Variants in TBX15 observed in about 807,000 individuals in gnomAD.
The protein encoded by TBX15 is T-box transcription factor 15.
Under a neutral mutation model 53.9 loss-of-function variants are expected in TBX15, and 18 were observed. The observed-to-expected ratio is 0.33, with a 90% CI of 0.23 to 0.49. The LOEUF (loss-of-function observed/expected upper bound fraction) is 0.49, where lower values mean the gene tolerates loss of function less well. Ranked by LOEUF, TBX15 falls within the 20% of genes least tolerant of loss-of-function variation. TBX15 has a pLI of 0.98. For missense variants in TBX15, 692 were observed against 749.5 expected (o/e 0.92, Z 0.90); for synonymous variants, 295 against 278.0 (o/e 1.06, Z -0.61).
intron 1 of TBX15, among the ~76,000 whole-genome samples, chr1:118,962,218 C>A (rs1623409): frequency 0.78 from 118,894 of 152,152 alleles, 46,694 homozygotes; most frequent in East Asian, 0.86. Flanking sequence ...GCACTGATAA[C>A]ATTTTGGCTA....
At chr1:118,890,791 C>T in intron 7 of TBX15, 2 of 874,344 alleles carry the variant, frequency 2.3e-6, no homozygotes, top group Non-Finnish European at 1.6e-6. Context: ...GCTTTTCTCC[C>T]TCCTCCCCCA....
chr1:118,933,366 G>A (rs539768282), intron 1 of TBX15, among the ~76,000 whole-genome samples: 1 of 151,992 alleles, frequency 6.6e-6, no homozygotes, highest in South Asian at 2.1e-4. Context: ...TCTAAATAAA[G>A]GGGAAGTTTC....
chr1:118,940,206 G>T lies in TBX15; in HGVS notation c.206-8374C>A, dbSNP rs1025075843. On this transcript the variant is annotated intron_variant, in intron 1 of 7. Coordinates refer to ENST00000369429, the MANE Select transcript of TBX15 (RefSeq NM_001330677.2). ...TTTGAGAAAGGAAAATTCAAACGAAGGTCTGATGGGAATTTTCCCCTGTTA... is the reference window on the plus strand; with the variant it reads ...TTTGAGAAAGGAAAATTCAAACGAATGTCTGATGGGAATTTTCCCCTGTTA... Among the ~76,000 whole-genome samples, 21 of 151,896 alleles carry T rather than the reference G, an allele frequency of 1.4e-4. 1 individual carries two copies. Among genetic ancestry groups the T allele is most frequent in the African/African-American group, 4.6e-4 (19 of 41,182 alleles).
intron 1 of TBX15, among the ~76,000 whole-genome samples, chr1:118,970,775 C>T (rs1035743039): frequency 6.6e-6 from 1 of 152,092 alleles, no homozygotes; most frequent in Non-Finnish European, 1.5e-5. Context: ...CAGTGATTAC[C>T]CTGTGTTTGA....
At chr1:118,937,075 G>A (rs1414981493) in intron 1 of TBX15, among the ~76,000 whole-genome samples, 2 of 152,064 alleles carry the variant, frequency 1.3e-5, no homozygotes, top group Non-Finnish European at 2.9e-5. Flanking sequence ...AATGATGAGA[G>A]GATTGAGAAG....
At chr1:118,892,106 T>C (rs1009484135) in intron 7 of TBX15, among the ~76,000 whole-genome samples, 6 of 152,148 alleles carry the variant, frequency 3.9e-5, no homozygotes, top group Non-Finnish European at 8.8e-5. Context: ...AAATTACCTA[T>C]GAGTAGGAAC....
chr1:118,934,212 T>G (rs1297072359), intron 1 of TBX15, among the ~76,000 whole-genome samples: 2 of 152,128 alleles, frequency 1.3e-5, no homozygotes, highest in Admixed American at 6.6e-5. Context: ...TGAAAAAGAA[T>G]GAACTTAAGG....
chr1:118,887,626 G>C (rs191392799), intron 7 of TBX15, among the ~76,000 whole-genome samples: 58 of 148,928 alleles, frequency 3.9e-4, no homozygotes, highest in Non-Finnish European at 6.6e-4. Flanking sequence ...AGTGAGCCAA[G>C]ATAGTGCCAT....
intron 1 of TBX15, among the ~76,000 whole-genome samples, chr1:118,975,961 C>T (rs182398404): frequency 7.8e-4 from 119 of 152,320 alleles, no homozygotes; most frequent in Non-Finnish European, 1.2e-3. Context: ...GGGCCCTGGG[C>T]TTCTTGAAGG....
chr1:118,930,529 C>T (rs1253373293), intron 2 of TBX15, among the ~76,000 whole-genome samples: 1 of 152,208 alleles, frequency 6.6e-6, no homozygotes, highest in Non-Finnish European at 1.5e-5. Context: ...GATTCTCCTG[C>T]CTCAGCCTCC....
intron 1 of TBX15, among the ~76,000 whole-genome samples, chr1:118,965,460 G>A (rs1029417666): frequency 5.3e-5 from 8 of 152,114 alleles, no homozygotes; most frequent in African/African-American, 1.9e-4. Context: ...ATAGGAAAAT[G>A]GGCTGTCATA....
intron 7 of TBX15, among the ~76,000 whole-genome samples, chr1:118,888,028 T>A (rs1222160786): frequency 6.6e-6 from 1 of 152,178 alleles, no homozygotes; most frequent in Non-Finnish European, 1.5e-5. Flanking sequence ...TTAGAGACAT[T>A]TCAAAACTTC....
At chr1:118,902,798 A>G (rs375368856) in intron 6 of TBX15, among the ~76,000 whole-genome samples, 3 of 152,076 alleles carry the variant, frequency 2.0e-5, no homozygotes, top group Non-Finnish European at 2.9e-5. Flanking sequence ...CCAACCACCT[A>G]TTAACGTCTT....
At chr1:118,914,335 C>T (rs568735007) in intron 5 of TBX15, among the ~76,000 whole-genome samples, 156 bp from the exon 6 acceptor site, 3 of 152,254 alleles carry the variant, frequency 2.0e-5, no homozygotes, top group South Asian at 4.1e-4. Context: ...GGATATAGAA[C>T]TTGGCCTGGC....
At chr1:118,922,252 C>T (rs1024305488) in intron 5 of TBX15, among the ~76,000 whole-genome samples, 2 of 152,104 alleles carry the variant, frequency 1.3e-5, no homozygotes, top group East Asian at 3.9e-4. Context: ...TATGACATGA[C>T]GACAGAGAGA....
At chr1:118,906,750 A>T (rs1210048857) in intron 6 of TBX15, among the ~76,000 whole-genome samples, 2 of 152,202 alleles carry the variant, frequency 1.3e-5, no homozygotes, top group Admixed American at 6.5e-5. Flanking sequence ...CCAGTCTTAG[A>T]TCAGCATCCT....
chr1:118,920,899 G>A (rs933275570), intron 5 of TBX15, among the ~76,000 whole-genome samples: 1 of 152,112 alleles, frequency 6.6e-6, no homozygotes, highest in Non-Finnish European at 1.5e-5. Context: ...AGAAACAGGA[G>A]GTTTAACAAT....
At chr1:118,919,201 C>T (rs2101578610) in intron 5 of TBX15, among the ~76,000 whole-genome samples, 1 of 152,240 alleles carries the variant, frequency 6.6e-6, no homozygotes, top group South Asian at 2.1e-4. Context: ...TGTTCGAAAA[C>T]AAAAATCAAC....
intron 6 of TBX15, among the ~76,000 whole-genome samples, chr1:118,909,524 G>A (rs967677922): frequency 3.3e-5 from 5 of 152,208 alleles, no homozygotes; most frequent in African/African-American, 1.2e-4. Flanking sequence ...TGGAAGCCAG[G>A]AGGACTTCTC....
Sources: allele counts gnomAD v4.1 joint callset (sites outside exome capture counted in the v4.1 genomes callset), GRCh38; gene constraint gnomAD v4.1.1; transcripts MANE v1.5; gene names NCBI Gene and HGNC (gene_info 2026-07-23, HGNC 2026-07-21).